Variants in RUNX2 observed in about 807,000 individuals in gnomAD.
The protein encoded by RUNX2 is runt-related transcription factor 2.
Under a neutral mutation model 51.7 loss-of-function variants are expected in RUNX2, and 10 were observed. That is an observed-to-expected ratio of 0.19 (90% CI 0.12 to 0.33). The LOEUF is 0.33. RUNX2 is among the 10% of genes least tolerant of loss of function. RUNX2 has a pLI of 1.00. For synonymous variants in RUNX2, 276 were observed against 273.6 expected (o/e 1.01, Z -0.09); for missense variants, 562 against 691.3 (o/e 0.81, Z 2.10).
At chr6:45,357,099 T>C (rs111646702) in intron 2 of RUNX2, among the ~76,000 whole-genome samples, 3,098 of 152,190 alleles carry the variant, frequency 0.02, 42 homozygotes, top group Non-Finnish European at 0.032. Context: ...CTCCGCCTCC[T>C]GGGTTCACGC....
At chr6:45,464,742 A>T (rs115082237) in intron 5 of RUNX2, among the ~76,000 whole-genome samples, 1 of 152,230 alleles carries the variant, frequency 6.6e-6, no homozygotes, top group Non-Finnish European at 1.5e-5. Context: ...ACCCTAATGA[A>T]TATTTTCCTA....
intron 2 of RUNX2, among the ~76,000 whole-genome samples, chr6:45,369,339 C>T (rs941424180): frequency 6.6e-6 from 1 of 152,126 alleles, no homozygotes; most frequent in African/African-American, 2.4e-5. Flanking sequence ...CTAAGCCCAT[C>T]TCCAAGAAAC....
chr6:45,474,480 G>T (rs934370007), intron 5 of RUNX2, among the ~76,000 whole-genome samples: 19 of 151,546 alleles, frequency 1.3e-4, no homozygotes, highest in Admixed American at 2.0e-4. Flanking sequence ...GAGAGGAGTG[G>T]GCAGTCTTCC....
At chr6:45,394,433 T>C (rs1797540083) in intron 2 of RUNX2, among the ~76,000 whole-genome samples, 1 of 152,232 alleles carries the variant, frequency 6.6e-6, no homozygotes, top group Non-Finnish European at 1.5e-5. Context: ...GCCTCGCCTG[T>C]TGTCTTTGGG....
intron 7 of RUNX2, among the ~76,000 whole-genome samples, chr6:45,528,987 G>A (rs746416255): frequency 2.0e-5 from 3 of 152,198 alleles, no homozygotes; most frequent in Middle Eastern, 3.2e-3. Flanking sequence ...ATAGGAGAAA[G>A]CTTTAAACAG....
intron 2 of RUNX2, among the ~76,000 whole-genome samples, chr6:45,332,679 A>G (rs962660598): frequency 6.6e-6 from 1 of 151,856 alleles, no homozygotes; most frequent in African/African-American, 2.4e-5. Context: ...TCACCGAAAC[A>G]GTCTACCTCT....
At chr6:45,484,450 C>G (rs143079439) in intron 5 of RUNX2, among the ~76,000 whole-genome samples, 1 of 152,126 alleles carries the variant, frequency 6.6e-6, no homozygotes, top group Non-Finnish European at 1.5e-5. Flanking sequence ...CACAAACCAC[C>G]AGTGAAATGT....
chr6:45,506,248 G>C (rs1191983664), intron 6 of RUNX2, among the ~76,000 whole-genome samples: 1 of 152,130 alleles, frequency 6.6e-6, no homozygotes, highest in Non-Finnish European at 1.5e-5. Flanking sequence ...CTCGCATGTA[G>C]TCATTTTGAT....
chr6:45,422,807 C>T lies in RUNX2; in HGVS notation c.273C>T (p.Pro91=), dbSNP rs376449674. Residue 91 remains proline (P), a synonymous_variant, in exon 3 of 9, where the codon CCC becomes CCT. Transcript: ENST00000647337. ...CTGCGGCGGCGGCAGCTGCAGTGCC[C>T]CGGTTGCGGCCGCCCCACGACAACC... is the stretch of plus-strand genomic sequence containing the variant. ...AAAAAAAAAV[P]RLRPPHDNRT... 11 of 1,585,324 alleles carry T rather than the reference C, an allele frequency of 6.9e-6. No homozygotes were observed. In the South Asian group the frequency reaches 1.1e-4, roughly 16 times the overall value.
At chr6:45,500,005 T>C (rs1257061823) in intron 6 of RUNX2, among the ~76,000 whole-genome samples, 1 of 152,232 alleles carries the variant, frequency 6.6e-6, no homozygotes, top group Non-Finnish European at 1.5e-5. Flanking sequence ...TTTTTTGCCC[T>C]GTTTTACCTT....
chr6:45,386,715 A>T (rs1364004966), intron 2 of RUNX2, among the ~76,000 whole-genome samples: 1 of 152,184 alleles, frequency 6.6e-6, no homozygotes, highest in Non-Finnish European at 1.5e-5. Context: ...GGTTTAACAA[A>T]ATGAGGAAGG....
At chr6:45,331,450 C>T (rs1787493061) in intron 2 of RUNX2, among the ~76,000 whole-genome samples, 1 of 151,890 alleles carries the variant, frequency 6.6e-6, no homozygotes, top group African/African-American at 2.4e-5. Context: ...TCAGTAGTGA[C>T]AAAGTTTTAT....
chr6:45,499,274 C>T (rs193040849), intron 6 of RUNX2, among the ~76,000 whole-genome samples: 3 of 152,256 alleles, frequency 2.0e-5, no homozygotes, highest in African/African-American at 7.2e-5. Context: ...GGTGGGGCAG[C>T]TGGGCAAATT....
In RUNX2 at chr6:45,548,269, C is replaced by T. The variant is rs1349617399; in HGVS notation, c.*964C>T. The T allele has an allele frequency of 2.6e-5, 4 of 152,532 alleles. No individual in the cohort carries two copies. The highest frequency in any genetic ancestry group is 2.1e-4 in the South Asian group (1 of 4,824). 9.4% of individuals were successfully genotyped at this position (152,532 alleles called of 1,614,324 possible). ...TCTTAGTGTATTGATATGTTGACTTCGGTCTCTAAAAGTGCTCTTTATTAA... is the reference window on the plus strand; with the variant it reads ...TCTTAGTGTATTGATATGTTGACTTTGGTCTCTAAAAGTGCTCTTTATTAA... On this transcript the variant is annotated 3_prime_UTR_variant, in exon 9 of 9. Transcript: ENST00000647337.
Position 45,388,429 on chromosome 6 carries a change from A to G in RUNX2, c.59-34164A>G, listed in dbSNP as rs145623203. On this transcript the variant is annotated intron_variant, in intron 2 of 8. Transcript: ENST00000647337. Reference sequence around the variant, plus strand: ...CATACAGCAGTGGCTTTAAAAGTGTACTTGCAGCATCTGCTTCTCGTTAGA... The same window carrying G: ...CATACAGCAGTGGCTTTAAAAGTGTGCTTGCAGCATCTGCTTCTCGTTAGA... Among the ~76,000 whole-genome samples the G allele has an allele frequency of 3.3e-3, 509 of 152,304 alleles. 3 individuals carry two copies. The highest frequency in any genetic ancestry group is 0.012 in the African/African-American group (485 of 41,556).
At chr6:45,495,791 G>A (rs772080459) in intron 6 of RUNX2, among the ~76,000 whole-genome samples, 1 of 152,228 alleles carries the variant, frequency 6.6e-6, no homozygotes, top group Non-Finnish European at 1.5e-5. Context: ...TAAGCATTTA[G>A]TGTTTCATAG....
intron 6 of RUNX2, among the ~76,000 whole-genome samples, chr6:45,494,672 A>G (rs2150409219): frequency 6.6e-6 from 1 of 152,340 alleles, no homozygotes; most frequent in African/African-American, 2.4e-5. Context: ...GTATCTGTCC[A>G]TAACCAAGGA....
At chr6:45,403,187 T>TGGGTTTAA (rs1797753771) in intron 2 of RUNX2, among the ~76,000 whole-genome samples, 1 of 151,638 alleles carries the variant, frequency 6.6e-6, no homozygotes, top group Non-Finnish European at 1.5e-5. Flanking sequence ...CAGTTGGCCA[T>TGGGTTTAA]GGGTTTAAGG....
intron 7 of RUNX2, among the ~76,000 whole-genome samples, chr6:45,514,970 A>G (rs1042212892): frequency 6.6e-6 from 1 of 151,400 alleles, no homozygotes; most frequent in Non-Finnish European, 1.5e-5. Flanking sequence ...GCTTTAGTAA[A>G]TAAAGTCCTT....
Sources: allele counts gnomAD v4.1 joint callset (sites outside exome capture counted in the v4.1 genomes callset), GRCh38; gene constraint gnomAD v4.1.1; transcripts MANE v1.5; gene names NCBI Gene and HGNC (gene_info 2026-07-23, HGNC 2026-07-21).